Variants in CATSPERD observed in about 807,000 individuals in gnomAD.
The protein encoded by CATSPERD is catsper channel auxiliary subunit delta, also known as cation channel sperm-associated auxiliary subunit delta.
A neutral mutation model predicts 98.1 loss-of-function variants in CATSPERD; 86 were observed. That is an observed-to-expected ratio of 0.88 (90% CI 0.74 to 1.05). CATSPERD has a LOEUF of 1.05. CATSPERD is among the 50% of genes least tolerant of loss of function. The probability of loss-of-function intolerance (pLI) is 0.00; values close to 1 mark genes in which losing one functional copy is unlikely to be tolerated. For missense variants in CATSPERD, 995 were observed against 1,005.7 expected (o/e 0.99, Z 0.14); for synonymous variants, 394 against 390.2 (o/e 1.01, Z -0.12).
intron 12 of CATSPERD, chr19:5,753,499 T>C (rs1305584828): frequency 3.9e-6 from 1 of 258,326 alleles, no homozygotes; most frequent in South Asian, 3.5e-5. Context: ...GAGGCAGAGC[T>C]TGCAGTGAGC....
chr19:5,771,099 G>A (rs756520959), intron 19 of CATSPERD, 27 bp downstream of exon 19: 21 of 1,603,860 alleles, frequency 1.3e-5, no homozygotes, highest in Non-Finnish European at 1.8e-5. Flanking sequence ...GTGCTGCAGG[G>A]TGGGGACGGT....
At chr19:5,724,437 C>G (rs990579759) in intron 1 of CATSPERD, among the ~76,000 whole-genome samples, 3 of 152,118 alleles carry the variant, frequency 2.0e-5, no homozygotes, top group Admixed American at 2.0e-4. Context: ...CAGTGGCTCA[C>G]GCCTGTAATC....
At chr19:5,764,678 G>A (rs537290820) in intron 16 of CATSPERD, among the ~76,000 whole-genome samples, 4 of 151,250 alleles carry the variant, frequency 2.6e-5, no homozygotes, top group East Asian at 3.9e-4. Context: ...GTGCAGTGGC[G>A]CAATCTTGGC....
chr19:5,763,046 A>G (rs534948857), intron 15 of CATSPERD, among the ~76,000 whole-genome samples, 169 bp from the exon 16 acceptor site: 59 of 149,208 alleles, frequency 4.0e-4, no homozygotes, highest in Non-Finnish European at 4.3e-4. Context: ...GGAAGGGTGG[A>G]TGGATGGATG....
intron 15 of CATSPERD, among the ~76,000 whole-genome samples, chr19:5,762,061 T>A (rs1282339170): frequency 0.012 from 767 of 61,912 alleles, 7 homozygotes; most frequent in Non-Finnish European, 0.019. Context: ...TATATATATT[T>A]TTTTTTTTTT....
At chr19:5,742,167 CGTGTGT>C (rs79933914) in intron 7 of CATSPERD, among the ~76,000 whole-genome samples, 3 of 145,212 alleles carry the variant, frequency 2.1e-5, no homozygotes, top group African/African-American at 5.1e-5. Context: ...CGTGTGTGTG[CGTGTGT>C]GTATGTATGT....
rs1193586683 is a variant in CATSPERD at position 5,727,338 on chromosome 19, A to G, written c.197A>G (p.Tyr66Cys). Residue 66 changes from tyrosine to cysteine, a missense_variant, in exon 3 of 22, where the codon TAT (tyrosine) becomes TGT (cysteine). Transcript: ENST00000381624. ...KHPCEKNIAL[Y>C]LGKQVFFTMD... ...CCTTGCGAGAAAAATATAGCACTAT[A>G]TCTAGGGTAAGTGGCAATTTTATGT... 6.2e-7 allele frequency: 1 copy of G among 1,609,186 alleles called. No homozygotes were observed.
At chr19:5,769,812 G>A (rs1402409055) in intron 18 of CATSPERD, among the ~76,000 whole-genome samples, 1 of 152,104 alleles carries the variant, frequency 6.6e-6, no homozygotes, top group African/African-American at 2.4e-5. Flanking sequence ...GTTTTGGCCG[G>A]GCAGGGTGGC....
intron 1 of CATSPERD, 43 bp downstream of exon 1, chr19:5,720,851 T>C: frequency 6.5e-7 from 1 of 1,537,224 alleles, no homozygotes; most frequent in Non-Finnish European, 8.8e-7. Flanking sequence ...CTGCCGGGGG[T>C]CGGGAGGGTG....
intron 8 of CATSPERD, among the ~76,000 whole-genome samples, chr19:5,745,201 G>A (rs28839628): frequency 1.3e-5 from 2 of 151,456 alleles, no homozygotes; most frequent in Non-Finnish European, 2.9e-5. Context: ...CTCCGCCGCC[G>A]CGGCCTCCCC....
intron 8 of CATSPERD, 97 bp downstream of exon 8, chr19:5,744,607 T>G: frequency 2.4e-6 from 2 of 822,774 alleles, no homozygotes; most frequent in Non-Finnish European, 3.6e-6. Context: ...ATTTATTTAT[T>G]TAATTTTTTT....
chr19:5,746,839 CTG>C (rs1173602992), intron 9 of CATSPERD, among the ~76,000 whole-genome samples: 3 of 151,268 alleles, frequency 2.0e-5, no homozygotes, highest in African/African-American at 4.9e-5. Context: ...GTGTCTCACT[CTG>C]TGGAGGCGGA....
chr19:5,738,735 C>T (rs2055897635), intron 6 of CATSPERD, among the ~76,000 whole-genome samples: 1 of 152,126 alleles, frequency 6.6e-6, no homozygotes, highest in Admixed American at 6.6e-5. Flanking sequence ...AGGTACACAG[C>T]ACCACGCCTG....
At chr19:5,753,408 A>G (rs2056260986) in intron 12 of CATSPERD, 2 of 162,550 alleles carry the variant, frequency 1.2e-5, no homozygotes, top group East Asian at 3.7e-4. Context: ...AATACAAAAA[A>G]AAAATTAGCT....
In CATSPERD at chr19:5,720,778, T is replaced by C. The variant is rs781752295; in HGVS notation, c.41T>C (p.Leu14Pro). ...LMLVAAVTMW[L>P]RPLVTAQLCR... The stretch of plus-strand genomic sequence containing the variant: ...CTGGTGGCGGCTGTGACCATGTGGC[T>C]CCGACCGCTGGTCACAGCTCAGCTC... The change falls in exon 1 of 22, where the codon CTC becomes CCC. Residue 14 changes from leucine to proline, a missense_variant. Transcript: ENST00000381624. 3.7e-6 allele frequency: 6 copies of C among 1,602,712 alleles called. No homozygotes were observed. In the South Asian group the frequency reaches 6.6e-5, roughly 18 times the overall value.
In CATSPERD at chr19:5,758,997, C is replaced by A. The variant is rs1367962263; in HGVS notation, c.1369-89C>A. The A allele has an allele frequency of 3.3e-6, 4 of 1,205,474 alleles. No homozygotes were observed. In the African/African-American group the frequency reaches 6.0e-5, roughly 18 times the overall value. The allele number at this position is 1,205,474 out of a possible 1,614,324, so 74.7% of individuals were successfully genotyped here. A position where few individuals can be genotyped will look rare whatever the true frequency, so the allele number is the denominator to read the frequency against. On this transcript the variant is annotated intron_variant, in intron 14 of 21. Transcript: ENST00000381624. Reference sequence around the variant, plus strand: ...CCAGGTTCGTCCCCCCATGTCCCCTCCAACACCCCATCTCTCCCAATGTCC... The same window carrying A: ...CCAGGTTCGTCCCCCCATGTCCCCTACAACACCCCATCTCTCCCAATGTCC...
intron 16 of CATSPERD, among the ~76,000 whole-genome samples, chr19:5,763,847 C>T (rs868502519): frequency 4.8e-5 from 3 of 62,118 alleles, no homozygotes; most frequent in Non-Finnish European, 9.6e-5. Context: ...TCTTGAACTC[C>T]TTTTTTTTTT....
At chr19:5,775,574 G>C (rs1046526153) in intron 20 of CATSPERD, among the ~76,000 whole-genome samples, 1 of 150,568 alleles carries the variant, frequency 6.6e-6, no homozygotes, top group African/African-American at 2.4e-5. Context: ...GCATGCATCC[G>C]GGAGGCAGAG....
At chr19:5,767,767 TTTTTA>T (rs2056569351) in intron 17 of CATSPERD, among the ~76,000 whole-genome samples, 1 of 86,668 alleles carries the variant, frequency 1.2e-5, no homozygotes, top group Non-Finnish European at 2.5e-5. Context: ...TGCCCTCCCT[TTTTTA>T]TTTGTTTTAT....
Sources: allele counts gnomAD v4.1 joint callset (sites outside exome capture counted in the v4.1 genomes callset), GRCh38; gene constraint gnomAD v4.1.1; transcripts MANE v1.5; gene names NCBI Gene and HGNC (gene_info 2026-07-23, HGNC 2026-07-21).